Variants in GPC6 observed in about 807,000 individuals in gnomAD.
The protein encoded by GPC6 is glypican-6.
A neutral mutation model predicts 55.2 loss-of-function variants in GPC6; 14 were observed. The observed-to-expected ratio is 0.25, with a 90% CI of 0.17 to 0.40. The LOEUF (loss-of-function observed/expected upper bound fraction) is 0.40. Among genes scored for constraint, GPC6 ranks in the 10% least tolerant of loss-of-function variants. GPC6 has a pLI of 1.00. For missense variants in GPC6, 641 were observed against 708.5 expected (o/e 0.90, Z 1.08); for synonymous variants, 278 against 259.6 (o/e 1.07, Z -0.68).
chr13:93,502,291 A>G (rs1379204163), intron 1 of GPC6, among the ~76,000 whole-genome samples: 5 of 152,016 alleles, frequency 3.3e-5, no homozygotes, highest in African/African-American at 1.2e-4. Flanking sequence ...AGTGAGAGCG[A>G]GAGAGCAAGA....
intron 2 of GPC6, among the ~76,000 whole-genome samples, chr13:93,729,364 G>C (rs1464372350): frequency 1.3e-5 from 2 of 152,134 alleles, no homozygotes; most frequent in African/African-American, 4.8e-5. Flanking sequence ...CACAGCATTA[G>C]GTGCTCTATG....
At chr13:93,828,530 G>A (rs191449501) in intron 2 of GPC6, among the ~76,000 whole-genome samples, 63 of 151,534 alleles carry the variant, frequency 4.2e-4, no homozygotes, top group Non-Finnish European at 6.8e-4. Context: ...TGCAAATTTC[G>A]CCCTATCTGC....
chr13:93,446,688 T>A (rs1035347494), intron 1 of GPC6, among the ~76,000 whole-genome samples: 1 of 152,196 alleles, frequency 6.6e-6, no homozygotes, highest in Non-Finnish European at 1.5e-5. Context: ...AATTGTTCGA[T>A]TGAGGTAACA....
At chr13:94,026,176 C>T (rs1167794827) in intron 3 of GPC6, among the ~76,000 whole-genome samples, 2 of 152,094 alleles carry the variant, frequency 1.3e-5, no homozygotes, top group Non-Finnish European at 2.9e-5. Context: ...AAATAGACAG[C>T]TTTATTTCCT....
intron 3 of GPC6, among the ~76,000 whole-genome samples, chr13:93,944,786 G>A (rs1878919277): frequency 6.6e-6 from 1 of 152,160 alleles, no homozygotes; most frequent in Non-Finnish European, 1.5e-5. Flanking sequence ...GTTAAGCAGG[G>A]CTGAATAGTA....
intron 2 of GPC6, among the ~76,000 whole-genome samples, chr13:93,577,151 A>C (rs1444923556): frequency 1.3e-5 from 2 of 152,132 alleles, no homozygotes; most frequent in African/African-American, 4.8e-5. Context: ...AACTTTACAC[A>C]AAAGTTATGG....
At chr13:93,652,244 G>A (rs1008064342) in intron 2 of GPC6, among the ~76,000 whole-genome samples, 28 of 152,152 alleles carry the variant, frequency 1.8e-4, no homozygotes, top group East Asian at 5.8e-4. Flanking sequence ...ATTGATTAGC[G>A]GTGAATTTAT....
Position 94,125,140 on chromosome 13 carries a change from ACTGTAT to A in GPC6, c.877+97251_877+97256del, listed in dbSNP as rs142144104. 3.7e-3 allele frequency among the ~76,000 whole-genome samples: 570 copies of A among 152,266 alleles called. 2 individuals carry two copies. Among genetic ancestry groups the A allele is most frequent in the Non-Finnish European group, 5.4e-3 (370 of 68,002 alleles). ...GATAAGTAAATTACTTTTACAAGAC[ACTGTAT>A]CTGTGCTCCTTCTATATGTGTGTAC... On this transcript the variant is annotated intron_variant, in intron 4 of 8. Coordinates refer to ENST00000377047, the MANE Select transcript of GPC6 (RefSeq NM_005708.5).
chr13:93,370,584 G>A (rs1881412784), intron 1 of GPC6, among the ~76,000 whole-genome samples: 1 of 152,082 alleles, frequency 6.6e-6, no homozygotes, highest in Admixed American at 6.6e-5. Context: ...GGGGTTCCAT[G>A]ACTTCTTCAA....
At position 93,505,426 on chromosome 13, in the gene GPC6, C is replaced by T. The variant is rs561910251; in HGVS notation, c.161-39837C>T. Among the ~76,000 whole-genome samples the T allele has an allele frequency of 9.2e-5, 11 of 119,644 alleles. No individual in the cohort carries two copies. The East Asian group carries it at 1.7e-3, about 19-fold the overall frequency. The allele number at this position is 119,644 out of a possible 152,430, so 78.5% of individuals were successfully genotyped here. A position where few individuals can be genotyped will look rare whatever the true frequency, so the allele number is the denominator to read the frequency against. ...AAAAACTCTCATTCTCTCTCTCACA[C>T]ACGTGCACACACACACACACACACA... On this transcript the variant is annotated intron_variant, in intron 1 of 8. Coordinates refer to ENST00000377047, the MANE Select transcript of GPC6 (RefSeq NM_005708.5).
chr13:94,053,919 C>T (rs1350543514), intron 4 of GPC6, among the ~76,000 whole-genome samples: 1 of 151,576 alleles, frequency 6.6e-6, no homozygotes, highest in Non-Finnish European at 1.5e-5. Flanking sequence ...AAGATATTAG[C>T]TGAAATGGAT....
intron 4 of GPC6, among the ~76,000 whole-genome samples, chr13:94,046,309 A>G (rs1366374842): frequency 6.6e-6 from 1 of 152,036 alleles, no homozygotes; most frequent in Non-Finnish European, 1.5e-5. Flanking sequence ...CCTGGGCCAC[A>G]TTGCTTTGAA....
At chr13:93,716,100 C>G (rs147569279) in intron 2 of GPC6, among the ~76,000 whole-genome samples, 3 of 151,434 alleles carry the variant, frequency 2.0e-5, no homozygotes, top group Non-Finnish European at 4.4e-5. Context: ...GTGGTGCTGG[C>G]GTAAACAAAC....
At chr13:93,388,817 A>C (rs1875504164) in intron 1 of GPC6, among the ~76,000 whole-genome samples, 2 of 152,130 alleles carry the variant, frequency 1.3e-5, no homozygotes, top group East Asian at 1.9e-4. Flanking sequence ...CAGGCCAATA[A>C]CTTCATAGGT....
At chr13:94,033,608 G>C (rs938297778) in intron 4 of GPC6, among the ~76,000 whole-genome samples, 1 of 152,128 alleles carries the variant, frequency 6.6e-6, no homozygotes, top group South Asian at 2.1e-4. Context: ...AAGCATTTGC[G>C]TAAGATACTG....
Position 93,497,172 on chromosome 13 carries a change from T to A in GPC6, c.161-48091T>A, listed in dbSNP as rs576592863. ...AAATCTAGATTTTTTTCCTCAGGTT[T>A]CATGAAAGCATAATGTTTTACTTTC... On this transcript the variant is annotated intron_variant, in intron 1 of 8. Transcript: ENST00000377047. Among the ~76,000 whole-genome samples, 7 of 152,352 alleles carry A rather than the reference T, an allele frequency of 4.6e-5. No homozygotes were observed. The East Asian group carries it at 1.3e-3, about 29-fold the overall frequency.
chr13:94,326,924 T>C (rs566135182), intron 6 of GPC6, among the ~76,000 whole-genome samples: 21 of 152,366 alleles, frequency 1.4e-4, no homozygotes, highest in African/African-American at 4.3e-4. Context: ...CAATCTATTA[T>C]AGAAATGCAA....
At chr13:93,663,050 T>G (rs117774751) in intron 2 of GPC6, among the ~76,000 whole-genome samples, 1 of 143,614 alleles carries the variant, frequency 7.0e-6, no homozygotes, top group Non-Finnish European at 1.5e-5. Context: ...ACCTAGGCAT[T>G]AACAAATGTT....
intron 1 of GPC6, among the ~76,000 whole-genome samples, chr13:93,326,880 A>G (rs930731137): frequency 6.6e-6 from 1 of 152,172 alleles, no homozygotes; most frequent in Non-Finnish European, 1.5e-5. Flanking sequence ...CCTGAGGGGA[A>G]GAAGATAGCA....
Sources: allele counts gnomAD v4.1 joint callset (sites outside exome capture counted in the v4.1 genomes callset), GRCh38; gene constraint gnomAD v4.1.1; transcripts MANE v1.5; gene names NCBI Gene and HGNC (gene_info 2026-07-23, HGNC 2026-07-21).